Variants in C8orf34 observed in about 807,000 individuals in gnomAD.
The protein encoded by C8orf34 is uncharacterized protein C8orf34.
A neutral mutation model predicts 68.3 loss-of-function variants in C8orf34; 65 were observed. The ratio of observed to expected loss-of-function variants is 0.95; its 90% CI spans 0.78 to 1.17. The LOEUF is 1.17. Among genes scored for constraint, C8orf34 ranks in the 50% most tolerant of loss-of-function variants. C8orf34 has a pLI of 0.00. For synonymous variants in C8orf34, 244 were observed against 241.2 expected, an observed-to-expected ratio of 1.01 and a Z score of -0.11; for missense variants, 664 against 655.4, an observed-to-expected ratio of 1.01 and a Z score of -0.14.
intron 11 of C8orf34, among the ~76,000 whole-genome samples, chr8:68,783,136 G>C (rs1563667116): frequency 6.6e-6 from 1 of 151,804 alleles, no homozygotes. Flanking sequence ...TTTGTAAAAG[G>C]AAAACGTGAG....
intron 5 of C8orf34, among the ~76,000 whole-genome samples, chr8:68,511,352 G>T (rs1266975050): frequency 6.6e-6 from 1 of 152,084 alleles, no homozygotes; most frequent in Non-Finnish European, 1.5e-5. Context: ...TATTGACTAG[G>T]GTTGGGCTGC....
rs1030072403 is a variant in C8orf34, at chr8:68,532,246, T to C, written c.939-737T>C. ...CCTCACGAGCTTTAGAAATGCTATT[T>C]AACTATTGAAACAAAAGTTATAGCA... On this transcript the variant is annotated intron_variant, in intron 6 of 13. Transcript: ENST00000518698. Among the ~76,000 whole-genome samples the C allele has an allele frequency of 5.3e-5, 8 of 152,306 alleles. 1 individual carries two copies. The highest frequency in any genetic ancestry group is 3.3e-4 in the Admixed American group (5 of 15,296).
At chr8:68,533,695 C>A (rs1815346089) in intron 7 of C8orf34, 1 of 955,320 alleles carries the variant, frequency 1.0e-6, no homozygotes, top group Non-Finnish European at 1.2e-6. Flanking sequence ...CCTTATTAAT[C>A]TTGTATATGT....
chr8:68,642,258 G>A (rs139432393), intron 8 of C8orf34, among the ~76,000 whole-genome samples: 103 of 152,298 alleles, frequency 6.8e-4, no homozygotes, highest in African/African-American at 2.4e-3. Flanking sequence ...AATGATGAAA[G>A]TTCATGACTG....
chr8:68,651,767 G>A (rs1047372089), intron 8 of C8orf34, among the ~76,000 whole-genome samples: 3 of 152,122 alleles, frequency 2.0e-5, no homozygotes, highest in South Asian at 2.1e-4. Context: ...GAGGTTTGGC[G>A]AGGGTGAGGG....
chr8:68,712,021 G>A (rs1194221770), intron 9 of C8orf34, among the ~76,000 whole-genome samples: 1 of 152,058 alleles, frequency 6.6e-6, no homozygotes, highest in Non-Finnish European at 1.5e-5. Flanking sequence ...AAGGGATTGG[G>A]GACCCATTTT....
intron 12 of C8orf34, chr8:68,790,885 T>C (rs1208939473): frequency 4.3e-6 from 3 of 701,274 alleles, no homozygotes; most frequent in Non-Finnish European, 7.8e-6. Flanking sequence ...TAATATTTGC[T>C]TATTCTAAAA....
chr8:68,718,965 C>T (rs1306119074), intron 9 of C8orf34, among the ~76,000 whole-genome samples: 1 of 152,066 alleles, frequency 6.6e-6, no homozygotes, highest in Non-Finnish European at 1.5e-5. Flanking sequence ...TCCCACCCAT[C>T]CATAGGTGAT....
At chr8:68,338,235 T>G (rs1436958119) in intron 1 of C8orf34, among the ~76,000 whole-genome samples, 1 of 152,164 alleles carries the variant, frequency 6.6e-6, no homozygotes, top group Non-Finnish European at 1.5e-5. Context: ...ATCCCATTAA[T>G]GAGGGAGCAG....
intron 7 of C8orf34, among the ~76,000 whole-genome samples, chr8:68,611,897 C>T (rs1818035071): frequency 6.6e-6 from 1 of 152,144 alleles, no homozygotes; most frequent in Non-Finnish European, 1.5e-5. Context: ...TCTTGTACCT[C>T]AGTGAGTCAG....
At chr8:68,578,639 A>G (rs1010172078) in intron 7 of C8orf34, among the ~76,000 whole-genome samples, 1 of 142,508 alleles carries the variant, frequency 7.0e-6, no homozygotes, top group African/African-American at 3.1e-5. Context: ...TGCAGATTAA[A>G]TACTATATAT....
chr8:68,625,125 C>A (rs1818500643), intron 7 of C8orf34, among the ~76,000 whole-genome samples: 1 of 151,996 alleles, frequency 6.6e-6, no homozygotes, highest in African/African-American at 2.4e-5. Context: ...GAACTTTGAG[C>A]AGACATGAAT....
chr8:68,336,324 A>C (rs1187680976), intron 1 of C8orf34, among the ~76,000 whole-genome samples: 2 of 152,190 alleles, frequency 1.3e-5, no homozygotes, highest in Non-Finnish European at 2.9e-5. Flanking sequence ...AATTAAAGAA[A>C]GGGGCTGAGT....
intron 10 of C8orf34, among the ~76,000 whole-genome samples, chr8:68,767,644 T>C (rs1489342472): frequency 1.3e-5 from 2 of 152,202 alleles, no homozygotes; most frequent in African/African-American, 2.4e-5. Flanking sequence ...CATGCATGCA[T>C]TCATTCATAG....
At chr8:68,673,304 G>C (rs1820075777) in intron 8 of C8orf34, among the ~76,000 whole-genome samples, 1 of 151,702 alleles carries the variant, frequency 6.6e-6, no homozygotes, top group African/African-American at 2.4e-5. Context: ...ACCTAATTGT[G>C]GACCCCAAGT....
At chr8:68,801,705 A>G (rs2129529591) in intron 12 of C8orf34, among the ~76,000 whole-genome samples, 1 of 152,306 alleles carries the variant, frequency 6.6e-6, no homozygotes, top group African/African-American at 2.4e-5. Flanking sequence ...ACTTAAGGTA[A>G]ATTAGTTTTG....
At chr8:68,722,696 G>T (rs1166021171) in intron 10 of C8orf34, among the ~76,000 whole-genome samples, 1 of 151,750 alleles carries the variant, frequency 6.6e-6, no homozygotes, top group Non-Finnish European at 1.5e-5. Context: ...TATAATATAA[G>T]GTCTAGCAGG....
At chr8:68,795,478 C>A (rs774531125) in intron 12 of C8orf34, among the ~76,000 whole-genome samples, 4 of 152,114 alleles carry the variant, frequency 2.6e-5, no homozygotes, top group Non-Finnish European at 5.9e-5. Context: ...TTTGTTATTG[C>A]TGCTGTTTGT....
At chr8:68,372,931 C>A (rs192223862) in intron 1 of C8orf34, among the ~76,000 whole-genome samples, 44 of 152,312 alleles carry the variant, frequency 2.9e-4, no homozygotes, top group Admixed American at 9.8e-4. Flanking sequence ...CCCTTCCTTG[C>A]AAAGCACAGC....
Sources: allele counts gnomAD v4.1 joint callset (sites outside exome capture counted in the v4.1 genomes callset), GRCh38; gene constraint gnomAD v4.1.1; transcripts MANE v1.5; gene names NCBI Gene and HGNC (gene_info 2026-07-23, HGNC 2026-07-21).